The following GABRB3 variants were observed in gnomAD, a reference collection of about 807,000 sequenced individuals.
The protein encoded by GABRB3 is gamma-aminobutyric acid type A receptor subunit beta3.
Under a neutral mutation model 52.1 loss-of-function variants are expected in GABRB3, and 14 were observed. That is an observed-to-expected ratio of 0.27 (90% CI 0.18 to 0.42). The LOEUF (loss-of-function observed/expected upper bound fraction) is 0.42. GABRB3 is among the 10% of genes least tolerant of loss of function. The pLI, the probability that GABRB3 is intolerant of heterozygous loss-of-function variation, is 1.00. For missense variants in GABRB3, 307 were observed against 609.1 expected (o/e 0.50, Z 5.22); for synonymous variants, 260 against 232.3 (o/e 1.12, Z -1.08).
At chr15:26,701,549 A>G (rs138462809) in intron 3 of GABRB3, among the ~76,000 whole-genome samples, 92 of 152,346 alleles carry the variant, frequency 6.0e-4, no homozygotes, top group African/African-American at 1.9e-3. Context: ...TGACCTATAC[A>G]ATGGAAACCA....
chr15:26,689,607 G>C (rs117219440), intron 3 of GABRB3, among the ~76,000 whole-genome samples: 3,008 of 152,162 alleles, frequency 0.02, 40 homozygotes, highest in Non-Finnish European at 0.031. Flanking sequence ...CCCCAGAGTG[G>C]AGTTTTCAGC....
chr15:26,735,435 G>A (rs562398372), intron 3 of GABRB3, among the ~76,000 whole-genome samples: 166 of 149,432 alleles, frequency 1.1e-3, no homozygotes, highest in African/African-American at 4.0e-3. Context: ...CAAAAGAATC[G>A]GAAGCAAGTT....
intron 4 of GABRB3, among the ~76,000 whole-genome samples, chr15:26,617,525 A>T (rs1892302403): frequency 1.3e-5 from 2 of 152,212 alleles, no homozygotes; most frequent in South Asian, 4.1e-4. Flanking sequence ...CAAAATAATA[A>T]GAGCTATCTA....
intron 3 of GABRB3, among the ~76,000 whole-genome samples, chr15:26,732,047 A>T (rs1252206762): frequency 1.3e-5 from 2 of 152,056 alleles, no homozygotes; most frequent in Non-Finnish European, 2.9e-5. Flanking sequence ...GGATGGATGG[A>T]TGGACAGGTG....
intron 4 of GABRB3, chr15:26,616,166 G>A (rs983423647): frequency 2.9e-5 from 30 of 1,049,330 alleles, no homozygotes; most frequent in Non-Finnish European, 6.5e-6. Flanking sequence ...GACACGGGAG[G>A]GAAGGTGGGC....
At chr15:26,568,898 C>T (rs574133281) in intron 6 of GABRB3, among the ~76,000 whole-genome samples, 1 of 152,200 alleles carries the variant, frequency 6.6e-6, no homozygotes, top group East Asian at 1.9e-4. Flanking sequence ...TCCAATCCTA[C>T]CACTCCTTGT....
At chr15:26,616,332 CTT>C (rs113775949) in intron 4 of GABRB3, among the ~76,000 whole-genome samples, 27,460 of 152,066 alleles carry the variant, frequency 0.18, 2,585 homozygotes, top group African/African-American at 0.26. Context: ...AGGGTTGAGA[CTT>C]ATTAATTTGC....
chr15:26,563,972 T>C (rs567094170), intron 7 of GABRB3, among the ~76,000 whole-genome samples: 14 of 152,332 alleles, frequency 9.2e-5, no homozygotes, highest in Non-Finnish European at 1.8e-4. Context: ...CTCCTCCTCA[T>C]GATAAAAATA....
chr15:26,682,752 G>A (rs1888277913), intron 3 of GABRB3, among the ~76,000 whole-genome samples: 1 of 152,206 alleles, frequency 6.6e-6, no homozygotes, highest in South Asian at 2.1e-4. Context: ...ACAATGAGGT[G>A]GGAGGACTTG....
At chr15:26,644,433 A>G (rs2140577912) in intron 3 of GABRB3, among the ~76,000 whole-genome samples, 1 of 152,306 alleles carries the variant, frequency 6.6e-6, no homozygotes, top group African/African-American at 2.4e-5. Flanking sequence ...GCACACAGAG[A>G]GAAGGCCTCG....
chr15:26,725,238 A>G (rs1322934277), intron 3 of GABRB3, among the ~76,000 whole-genome samples: 1 of 152,148 alleles, frequency 6.6e-6, no homozygotes, highest in African/African-American at 2.4e-5. Context: ...CAACTGACTG[A>G]ATATTTTTCT....
chr15:26,768,761 C>T (rs1420816640), intron 3 of GABRB3, among the ~76,000 whole-genome samples: 1 of 151,370 alleles, frequency 6.6e-6, no homozygotes, highest in African/African-American at 2.4e-5. Flanking sequence ...AGGGAAGTTA[C>T]ACAAAACAAA....
chr15:26,591,218 T>C (rs1891191767), intron 4 of GABRB3, among the ~76,000 whole-genome samples: 1 of 152,176 alleles, frequency 6.6e-6, no homozygotes, highest in Non-Finnish European at 1.5e-5. Flanking sequence ...TCTAGCTGAT[T>C]GTTACACAGC....
chr15:26,681,563 T>A (rs11161329), intron 3 of GABRB3, among the ~76,000 whole-genome samples: 75,122 of 152,064 alleles, frequency 0.49, 21,378 homozygotes, highest in Admixed American at 0.63. Flanking sequence ...GAGATATATA[T>A]AATTTTCCAT....
intron 3 of GABRB3, among the ~76,000 whole-genome samples, chr15:26,724,202 C>T (rs1312756009): frequency 6.6e-6 from 1 of 152,194 alleles, no homozygotes; most frequent in Admixed American, 6.5e-5. Context: ...CTCTTCTTTT[C>T]TCCTCCATGT....
chr15:26,557,701 A>C (rs1021036034), intron 8 of GABRB3: 1 of 152,200 alleles, frequency 6.6e-6, no homozygotes, highest in Non-Finnish European at 1.5e-5. Context: ...TTAAGTACCG[A>C]TCTACAATAC....
chr15:26,591,354 AG>A (rs1891197689), intron 4 of GABRB3, among the ~76,000 whole-genome samples: 1 of 152,210 alleles, frequency 6.6e-6, no homozygotes, highest in Non-Finnish European at 1.5e-5. Context: ...GTCATAAGAT[AG>A]CAAAACCCTT....
intron 3 of GABRB3, among the ~76,000 whole-genome samples, chr15:26,744,261 T>C (rs929950991): frequency 6.6e-6 from 1 of 152,206 alleles, no homozygotes; most frequent in East Asian, 1.9e-4. Context: ...TCTCAGATAT[T>C]TCACTTAAAA....
chr15:26,737,923 C>T (rs1595559744), intron 3 of GABRB3, among the ~76,000 whole-genome samples: 1 of 152,156 alleles, frequency 6.6e-6, no homozygotes, highest in Non-Finnish European at 1.5e-5. Context: ...GTTTGTTTCT[C>T]CTTTCTTGCT....
Sources: allele counts gnomAD v4.1 joint callset (sites outside exome capture counted in the v4.1 genomes callset), GRCh38; gene constraint gnomAD v4.1.1; transcripts MANE v1.5; gene names NCBI Gene and HGNC (gene_info 2026-07-23, HGNC 2026-07-21).